The following GNB1L variants were observed in gnomAD, a reference collection of about 807,000 sequenced individuals.
GNB1L encodes the protein G protein subunit beta 1 like.
Under a neutral mutation model 29.1 loss-of-function variants are expected in GNB1L, and 20 were observed. That is an observed-to-expected ratio of 0.69 (90% CI 0.48 to 1.00). GNB1L has a LOEUF of 1.00. Among genes scored for constraint, GNB1L ranks in the 50% least tolerant of loss-of-function variants. The pLI, the probability that GNB1L is intolerant of heterozygous loss-of-function variation, is 0.00. For missense variants in GNB1L, 421 were observed against 464.9 expected, an observed-to-expected ratio of 0.91 and a Z score of 0.87; for synonymous variants, 193 against 206.5, an observed-to-expected ratio of 0.93 and a Z score of 0.56.
chr22:19,808,921 G>A (rs765617869), intron 5 of GNB1L, among the ~76,000 whole-genome samples: 5 of 152,118 alleles, frequency 3.3e-5, no homozygotes, highest in Non-Finnish European at 5.9e-5. Context: ...CACCGTCAGG[G>A]CTGTGGGGAG....
intron 5 of GNB1L, among the ~76,000 whole-genome samples, chr22:19,810,810 T>C (rs1937491198): frequency 6.6e-6 from 1 of 152,196 alleles, no homozygotes; most frequent in Non-Finnish European, 1.5e-5. Context: ...GCAACTGTTT[T>C]CCCAGGATGT....
intron 6 of GNB1L, among the ~76,000 whole-genome samples, chr22:19,804,843 T>C (rs1937414555): frequency 6.6e-6 from 1 of 152,242 alleles, no homozygotes; most frequent in African/African-American, 2.4e-5. Flanking sequence ...TACGCATTTT[T>C]CTGTTGGAAT....
chr22:19,797,870 G>A (rs906607643), intron 7 of GNB1L, among the ~76,000 whole-genome samples: 1 of 151,752 alleles, frequency 6.6e-6, no homozygotes, highest in Non-Finnish European at 1.5e-5. Flanking sequence ...CTCCCACCGC[G>A]CACTGTAACC....
chr22:19,854,717 C>G (rs1389468319), intron 1 of GNB1L, 103 bp downstream of exon 1: 1 of 152,426 alleles, frequency 6.6e-6, no homozygotes, highest in East Asian at 1.9e-4. Flanking sequence ...GCTCCGAGTG[C>G]CCCTCTGCGG....
At position 19,829,709 on chromosome 22, in the gene GNB1L, T is replaced by C. The variant is rs1349999484; in HGVS notation, c.-20-8334A>G. On this transcript the variant is annotated intron_variant, in intron 2 of 7. Transcript: ENST00000329517. The stretch of plus-strand genomic sequence containing the variant: ...AAATAGGGAATTTATGAAAGCCATA[T>C]ACTGTATTAATAGATATAATGAGAA... Among the ~76,000 whole-genome samples, 6 of 152,314 alleles carry C rather than the reference T, an allele frequency of 3.9e-5. No homozygotes were observed. The South Asian group carries it at 1.2e-3, about 32-fold the overall frequency.
intron 7 of GNB1L, chr22:19,792,979 G>A: frequency 6.7e-7 from 1 of 1,500,524 alleles, no homozygotes. Context: ...TACAATGACA[G>A]ATACGATGAG....
chr22:19,812,191 G>T, intron 5 of GNB1L, 94 bp downstream of exon 5: 1 of 1,332,886 alleles, frequency 7.5e-7, no homozygotes, highest in Non-Finnish European at 1.0e-6. Flanking sequence ...GCTCCATGGA[G>T]TCCTGTGGGT....
intron 2 of GNB1L, among the ~76,000 whole-genome samples, chr22:19,844,763 A>G (rs1937925382): frequency 6.6e-6 from 1 of 152,224 alleles, no homozygotes; most frequent in Non-Finnish European, 1.5e-5. Context: ...TGCCCCAGGC[A>G]CTTACGGGCA....
intron 2 of GNB1L, among the ~76,000 whole-genome samples, chr22:19,830,179 C>T (rs2145888845): frequency 6.6e-6 from 1 of 152,134 alleles, no homozygotes; most frequent in East Asian, 1.9e-4. Flanking sequence ...CCATTGCACT[C>T]CAGCCTCGGC....
At chr22:19,789,512 G>A (rs948904359) in intron 7 of GNB1L, among the ~76,000 whole-genome samples, 1 of 152,040 alleles carries the variant, frequency 6.6e-6, no homozygotes, top group Non-Finnish European at 1.5e-5. Context: ...CAGGATGAGG[G>A]GGGGACAAGG....
intron 2 of GNB1L, among the ~76,000 whole-genome samples, chr22:19,845,702 T>C (rs955656016): frequency 5.9e-5 from 9 of 152,020 alleles, no homozygotes; most frequent in Admixed American, 3.3e-4. Flanking sequence ...AAAGAAAAAC[T>C]AAGGGAGCAA....
chr22:19,847,729 A>C, intron 2 of GNB1L: 2 of 982,540 alleles, frequency 2.0e-6, no homozygotes, highest in South Asian at 4.7e-5. Context: ...TCCCACCAAC[A>C]GTATGAGAAG....
At chr22:19,817,811 G>A (rs1937543135) in intron 4 of GNB1L, among the ~76,000 whole-genome samples, 2 of 152,204 alleles carry the variant, frequency 1.3e-5, no homozygotes, top group Admixed American at 1.3e-4. Flanking sequence ...GGTTGCTCAG[G>A]TGCTCACTCA....
intron 6 of GNB1L, among the ~76,000 whole-genome samples, chr22:19,805,963 G>A (rs557274442): frequency 6.6e-6 from 1 of 152,282 alleles, no homozygotes; most frequent in East Asian, 1.9e-4. Flanking sequence ...CGGCCCCGAG[G>A]AGGGCAGCTA....
chr22:19,850,891 G>A (rs527599768), intron 2 of GNB1L: 4 of 1,345,602 alleles, frequency 3.0e-6, no homozygotes, highest in African/African-American at 1.5e-5. Context: ...CCCCTCGTGG[G>A]AGCAGGCCTG....
At chr22:19,841,678 C>T (rs1450677217) in intron 2 of GNB1L, among the ~76,000 whole-genome samples, 1 of 152,224 alleles carries the variant, frequency 6.6e-6, no homozygotes, top group Non-Finnish European at 1.5e-5. Context: ...AACTTTTACA[C>T]GCTTTTCCCA....
rs545885053 is a variant in GNB1L at position 19,842,665 on chromosome 22, T to C, written c.-21+11778A>G. Among the ~76,000 whole-genome samples the C allele has an allele frequency of 2.0e-3, 299 of 152,358 alleles. 2 individuals carry two copies. The highest frequency in any genetic ancestry group is 7.1e-3 in the African/African-American group (295 of 41,576). ...ACAGGAAGGGATGAGCCTGCTCAGA[T>C]GGTGAGGTCCCTATCCTGTTACCTG... On this transcript the variant is annotated intron_variant, in intron 2 of 7. Coordinates refer to ENST00000329517, the MANE Select transcript of GNB1L (RefSeq NM_053004.3).
chr22:19,819,907 A>AC (rs1483380853), intron 4 of GNB1L, among the ~76,000 whole-genome samples: 1 of 151,572 alleles, frequency 6.6e-6, no homozygotes, highest in African/African-American at 2.4e-5. Flanking sequence ...AGCACTATAC[A>AC]CCCAAGCCCT....
rs1938077887 is a variant in GNB1L, at chr22:19,850,858, T to A, written c.-21+3585A>T. The stretch of plus-strand genomic sequence containing the variant: ...TGACAAAGATGATGCAACTATCTGC[T>A]GAGAGTTGATCTACAAAACGACCCC... On this transcript the variant is annotated intron_variant, in intron 2 of 7. Coordinates refer to ENST00000329517, the MANE Select transcript of GNB1L (RefSeq NM_053004.3). 9.1e-6 allele frequency: 12 copies of A among 1,324,890 alleles called. No homozygotes were observed. In the South Asian group the frequency reaches 3.0e-4, roughly 33 times the overall value. The allele number at this position is 1,324,890 out of a possible 1,614,324, so 82.1% of individuals were successfully genotyped here.
Sources: allele counts gnomAD v4.1 joint callset (sites outside exome capture counted in the v4.1 genomes callset), GRCh38; gene constraint gnomAD v4.1.1; transcripts MANE v1.5; gene names NCBI Gene and HGNC (gene_info 2026-07-23, HGNC 2026-07-21).